The following PCLO variants were observed in gnomAD, a reference collection of about 807,000 sequenced individuals.
The protein encoded by PCLO is protein piccolo.
Under a neutral mutation model 427.5 loss-of-function variants are expected in PCLO, and 82 were observed. That is an observed-to-expected ratio of 0.19 (90% confidence interval 0.16 to 0.23). The LOEUF is 0.23. Ranked by LOEUF, PCLO falls within the 10% of genes least tolerant of loss-of-function variation. The pLI is 1.00. For synonymous variants in PCLO, 2,357 were observed against 2,155.4 expected (o/e 1.09, Z -2.59); for missense variants, 6,239 against 6,115.9 (o/e 1.02, Z -0.67).
chr7:83,132,205 G>A (rs1791592422), intron 3 of PCLO, among the ~76,000 whole-genome samples: 1 of 152,072 alleles, frequency 6.6e-6, no homozygotes, highest in African/African-American at 2.4e-5. Flanking sequence ...GCATAGTCAA[G>A]GTAAGCCAGG....
At chr7:83,130,829 T>C (rs931690539) in intron 3 of PCLO, among the ~76,000 whole-genome samples, 6 of 152,208 alleles carry the variant, frequency 3.9e-5, no homozygotes, top group Non-Finnish European at 8.8e-5. Context: ...TAGTGACAAA[T>C]ATCTCCTAGC....
Position 82,979,529 on chromosome 7 carries a change from A to G in PCLO, c.3301-13042T>C, listed in dbSNP as rs1378629665. ...CTATTTGCTTTGCTACCTGGTTCCT[A>G]ACAGTATGCCAAAAATGTGTATTAT... is the stretch of plus-strand genomic sequence containing the variant. On this transcript the variant is annotated intron_variant, in intron 3 of 24. Transcript: ENST00000333891. Among the ~76,000 whole-genome samples, 3 of 152,192 alleles carry G rather than the reference A, an allele frequency of 2.0e-5. No homozygotes were observed. The East Asian group carries it at 5.8e-4, about 29-fold the overall frequency.
chr7:82,979,843 A>C (rs1343548395), intron 3 of PCLO, among the ~76,000 whole-genome samples: 1 of 152,208 alleles, frequency 6.6e-6, no homozygotes, highest in African/African-American at 2.4e-5. Flanking sequence ...CAAATACATT[A>C]CCATTAGTAA....
chr7:83,037,037 AAAGGTAC>A (rs1232962843), intron 3 of PCLO, among the ~76,000 whole-genome samples: 1 of 152,168 alleles, frequency 6.6e-6, no homozygotes, highest in Non-Finnish European at 1.5e-5. Context: ...AGTGTTGAAC[AAAGGTAC>A]AAGAAAAATA....
In PCLO at chr7:83,093,472, G is replaced by GTGTGTGTGTA. The variant is rs745824155; in HGVS notation, c.3300+40777_3300+40778insTACACACACA. On this transcript the variant is annotated intron_variant, in intron 3 of 24. Transcript: ENST00000333891. ...ACCACAAACATATATATGTGTGTGT[G>GTGTGTGTGTA]TATAGATATATATATATATATTTTT... 7.1e-4 allele frequency among the ~76,000 whole-genome samples: 70 copies of GTGTGTGTGTA among 99,124 alleles called. 2 individuals carry two copies. Among genetic ancestry groups the GTGTGTGTGTA allele is most frequent in the East Asian group, 2.3e-3 (6 of 2,570 alleles). The allele number at this position is 99,124 out of a possible 152,430, so 65.0% of individuals were successfully genotyped here.
chr7:82,880,064 T>C (rs190883406), intron 9 of PCLO, among the ~76,000 whole-genome samples: 1 of 152,170 alleles, frequency 6.6e-6, no homozygotes. Flanking sequence ...CAGGTTCTTC[T>C]GGAATTAGCC....
At chr7:83,147,363 T>G (rs536319914) in intron 2 of PCLO, among the ~76,000 whole-genome samples, 1 of 152,156 alleles carries the variant, frequency 6.6e-6, no homozygotes, top group Non-Finnish European at 1.5e-5. Flanking sequence ...TATTCTCACT[T>G]TAAACAGTAT....
chr7:83,021,315 C>G (rs1788337009), intron 3 of PCLO, among the ~76,000 whole-genome samples: 1 of 152,152 alleles, frequency 6.6e-6, no homozygotes, highest in Non-Finnish European at 1.5e-5. Flanking sequence ...TACTGTGCAG[C>G]AGGCATTATG....
At chr7:82,917,230 G>A (rs1280206348) in intron 6 of PCLO, among the ~76,000 whole-genome samples, 8 of 151,892 alleles carry the variant, frequency 5.3e-5, no homozygotes, top group East Asian at 1.9e-4. Context: ...AAGTTAATGC[G>A]CCTATCTTCT....
chr7:82,832,321 G>T (rs1489349121), intron 16 of PCLO, among the ~76,000 whole-genome samples: 1 of 151,762 alleles, frequency 6.6e-6, no homozygotes, highest in Non-Finnish European at 1.5e-5. Context: ...GTGCAATCTC[G>T]GCTCACTACA....
chr7:83,097,340 A>G (rs13308465), intron 3 of PCLO, among the ~76,000 whole-genome samples: 79,046 of 135,366 alleles, frequency 0.58, 24,351 homozygotes, highest in African/African-American at 0.73. Context: ...GGCTAAAACG[A>G]TGAAACCCCA....
At chr7:83,025,933 C>T (rs528897538) in intron 3 of PCLO, among the ~76,000 whole-genome samples, 72 of 151,972 alleles carry the variant, frequency 4.7e-4, no homozygotes, top group African/African-American at 1.6e-3. Context: ...CAGGCCTGCA[C>T]TAAAAGAGCT....
chr7:82,952,586 A>G lies in PCLO; in HGVS notation c.8367T>C (p.Ser2789=). ...CAAAGGTCACTGTCTCAGTGGCCAG[A>G]GATACAGGAGTCACTATTGATGATG... The part of the protein sequence containing the change: ...SVTSSIVTPV[S]LATETVTFVT... The change falls in exon 5 of 25, where the codon TCT becomes TCC. Residue 2789 remains serine, a synonymous_variant. Transcript: ENST00000333891. 1 of 1,613,950 alleles carries G rather than the reference A, an allele frequency of 6.2e-7. No individual in the cohort carries two copies. The highest frequency in any genetic ancestry group is 8.5e-7 in the Non-Finnish European group (1 of 1,179,856).
At position 82,824,276 on chromosome 7, in the gene PCLO, G is replaced by T; in HGVS notation, c.14556C>A (p.Ile4852=). The stretch of plus-strand genomic sequence containing the variant: ...GGAAGATACCATGGCTTCTGCTTTT[G>T]ATAACAGATGGCTTTGGGGACTGCT... ...SSQQSPKPSV[I]KSRSHGIFPD... The change falls in exon 19 of 25, where the codon ATC becomes ATA. Residue 4852 remains isoleucine (I), a synonymous_variant. Transcript: ENST00000333891. 1 of 1,613,238 alleles carries T rather than the reference G, an allele frequency of 6.2e-7. No homozygotes were observed. The highest frequency in any genetic ancestry group is 1.1e-5 in the South Asian group (1 of 91,034).
At chr7:83,156,752 A>C (rs1792313104) in intron 1 of PCLO, among the ~76,000 whole-genome samples, 1 of 152,204 alleles carries the variant, frequency 6.6e-6, no homozygotes, top group Admixed American at 6.5e-5. Context: ...AAACCTCAAT[A>C]AATCAATACA....
At chr7:82,931,503 C>T (rs1028606512) in intron 6 of PCLO, among the ~76,000 whole-genome samples, 2 of 152,226 alleles carry the variant, frequency 1.3e-5, no homozygotes, top group African/African-American at 2.4e-5. Flanking sequence ...AACAAGTTGC[C>T]ATTGAAGTTA....
chr7:82,825,192 A>C (rs1369746835), intron 18 of PCLO, among the ~76,000 whole-genome samples: 1 of 152,128 alleles, frequency 6.6e-6, no homozygotes. Context: ...TTCTTAGTAC[A>C]TTGGTGCATT....
intron 9 of PCLO, among the ~76,000 whole-genome samples, chr7:82,883,616 C>T (rs1395400947): frequency 6.6e-6 from 1 of 152,084 alleles, no homozygotes; most frequent in Non-Finnish European, 1.5e-5. Flanking sequence ...AACATCAAAA[C>T]AGAAACAGCA....
rs1792246097 is a variant in PCLO, at chr7:82,836,964, A to G, written c.14222+1254T>C. Among the ~76,000 whole-genome samples, 6 of 152,126 alleles carry G rather than the reference A, an allele frequency of 3.9e-5. No individual in the cohort carries two copies. The South Asian group carries it at 1.2e-3, about 31-fold the overall frequency. Reference sequence around the variant, plus strand: ...AACAGTCTATTTTGGTGAATGCTCCATGTGTACTTGAAGGGAATATGTAAT... The same window carrying G: ...AACAGTCTATTTTGGTGAATGCTCCGTGTGTACTTGAAGGGAATATGTAAT... On this transcript the variant is annotated intron_variant, in intron 15 of 24. Transcript: ENST00000333891.
Sources: gnomAD v4.1 joint callset for allele counts (sites outside exome capture counted in the v4.1 genomes callset) on GRCh38, gnomAD v4.1.1 for gene constraint, MANE v1.5 for transcripts, NCBI Gene and HGNC (gene_info 2026-07-23, HGNC 2026-07-21) for gene names.